Variants in FBN2 observed in about 807,000 individuals in gnomAD.
FBN2 encodes the protein fibrillin 2.
FBN2 carries 105 observed loss-of-function variants against 355.6 expected under a neutral mutation model. That is an observed-to-expected ratio of 0.30 (90% CI 0.25 to 0.35). The LOEUF (loss-of-function observed/expected upper bound fraction) is 0.35. Among genes scored for constraint, FBN2 ranks in the 10% least tolerant of loss-of-function variants. The probability of loss-of-function intolerance (pLI) is 1.00; values close to 1 mark genes in which losing one functional copy is unlikely to be tolerated. For synonymous variants in FBN2, 1,350 were observed against 1,301.2 expected, an observed-to-expected ratio of 1.04 and a Z score of -0.81; for missense variants, 3,280 against 3,758.7, an observed-to-expected ratio of 0.87 and a Z score of 3.33.
At chr5:128,506,716 C>T (rs2127146863) in intron 5 of FBN2, among the ~76,000 whole-genome samples, 1 of 152,210 alleles carries the variant, frequency 6.6e-6, no homozygotes, top group East Asian at 1.9e-4. Context: ...AGTGACTATC[C>T]TTGCTTTGTC....
intron 48 of FBN2, among the ~76,000 whole-genome samples, chr5:128,295,932 C>T (rs1425396111): frequency 2.8e-5 from 4 of 145,170 alleles, no homozygotes; most frequent in Non-Finnish European, 6.0e-5. Flanking sequence ...AAAGGGAATG[C>T]TTCCAGTTTT....
At chr5:128,455,009 G>C (rs529739412) in intron 6 of FBN2, among the ~76,000 whole-genome samples, 42 of 152,128 alleles carry the variant, frequency 2.8e-4, no homozygotes, top group African/African-American at 9.6e-4. Context: ...TAATAATTAT[G>C]CCAGTTTAAT....
chr5:128,311,185 G>C, intron 39 of FBN2, 115 bp downstream of exon 39: 2 of 1,056,838 alleles, frequency 1.9e-6, no homozygotes, highest in Non-Finnish European at 2.9e-6. Flanking sequence ...AAAAAGCTAT[G>C]AACCAATCTT....
In FBN2 at chr5:128,458,071, C is replaced by G. The variant is rs116267603; in HGVS notation, c.826+6653G>C. Among the ~76,000 whole-genome samples the G allele has an allele frequency of 8.5e-3, 1,298 of 152,108 alleles. 17 individuals are homozygous for G. Among genetic ancestry groups the G allele is most frequent in the African/African-American group, 0.028 (1,168 of 41,500 alleles). On this transcript the variant is annotated intron_variant, in intron 6 of 64. Coordinates refer to ENST00000262464, the MANE Select transcript of FBN2 (RefSeq NM_001999.4). ...GTGTGCGTGTGCTGTACTAAGGAAA[C>G]CCGTCTTACATGCAAAGACACACAC...
intron 7 of FBN2, among the ~76,000 whole-genome samples, chr5:128,413,584 C>A (rs868847241): frequency 6.6e-6 from 1 of 152,042 alleles, no homozygotes. Flanking sequence ...ATTTGTCAAC[C>A]AACATTTCCT....
intron 7 of FBN2, among the ~76,000 whole-genome samples, chr5:128,413,018 A>G (rs1445256444): frequency 6.6e-6 from 1 of 152,236 alleles, no homozygotes; most frequent in African/African-American, 2.4e-5. Flanking sequence ...ACATAGTGCT[A>G]TTAACAAAGA....
chr5:128,329,342 A>T (rs1750633073), intron 33 of FBN2, among the ~76,000 whole-genome samples: 1 of 152,108 alleles, frequency 6.6e-6, no homozygotes, highest in South Asian at 2.1e-4. Context: ...TTACACAAAC[A>T]GACATTACTC....
rs10070948 is a variant in FBN2 at position 128,286,956 on chromosome 5, G to A, written c.6881-107C>T. 9.1e-3 allele frequency: 10,271 copies of A among 1,134,444 alleles called. 692 individuals are homozygous for A. The African/African-American group carries it at 0.14, about 15-fold the overall frequency. 70.3% of individuals were successfully genotyped at this position (1,134,444 alleles called of 1,614,324 possible). On this transcript the variant is annotated intron_variant, in intron 54 of 64. Coordinates refer to ENST00000262464, the MANE Select transcript of FBN2 (RefSeq NM_001999.4). ...CACTTAACATGTAATTTTATGGTGG[G>A]ACAGAGAAAGGAGAAGCCCAGCCAT... is the stretch of plus-strand genomic sequence containing the variant.
intron 7 of FBN2, among the ~76,000 whole-genome samples, chr5:128,435,773 G>A (rs1753754554): frequency 6.6e-6 from 1 of 152,150 alleles, no homozygotes; most frequent in African/African-American, 2.4e-5. Flanking sequence ...AAGTTAAAAT[G>A]TCATCTGGAT....
rs189135321 is a variant in FBN2, at chr5:128,268,409, G to T, written c.7960+3590C>A. ...AGCCTACCAACCAAAAAAAAGCCCA[G>T]GACCAGATGGATTCTCAGCAGAATT... On this transcript the variant is annotated intron_variant, in intron 62 of 64. Transcript: ENST00000262464. 1.6e-4 allele frequency among the ~76,000 whole-genome samples: 24 copies of T among 152,226 alleles called. No homozygotes were observed. In the East Asian group the frequency reaches 4.2e-3, roughly 27 times the overall value.
At chr5:128,500,310 A>G (rs1755772162) in intron 5 of FBN2, among the ~76,000 whole-genome samples, 1 of 152,132 alleles carries the variant, frequency 6.6e-6, no homozygotes, top group Non-Finnish European at 1.5e-5. Flanking sequence ...CTAAAGAAGA[A>G]ATATGCCCAA....
intron 55 of FBN2, 122 bp from the exon 56 acceptor site, chr5:128,280,439 A>C: frequency 1.4e-6 from 1 of 739,272 alleles, no homozygotes; most frequent in South Asian, 1.6e-5. Context: ...TGATGAGATT[A>C]AAAATGGTCA....
At position 128,357,271 on chromosome 5, in the gene FBN2, C is replaced by G; in HGVS notation, c.2674+5G>C. On this transcript the variant is annotated splice_donor_5th_base_variant and intron_variant, in intron 20 of 64. Coordinates refer to ENST00000262464, the MANE Select transcript of FBN2 (RefSeq NM_001999.4). Reference sequence around the variant, plus strand: ...TGAAGCATCAGTATTGTGTATGAATCTTACCAATACAGATCAATCCTGTGG... The same window carrying G: ...TGAAGCATCAGTATTGTGTATGAATGTTACCAATACAGATCAATCCTGTGG... 1.2e-6 allele frequency: 2 copies of G among 1,613,816 alleles called. No homozygotes were observed. Among genetic ancestry groups the G allele is most frequent in the Non-Finnish European group, 1.7e-6 (2 of 1,179,738 alleles).
At chr5:128,428,112 T>A (rs1439478291) in intron 7 of FBN2, among the ~76,000 whole-genome samples, 1 of 152,096 alleles carries the variant, frequency 6.6e-6, no homozygotes, top group African/African-American at 2.4e-5. Flanking sequence ...CCACTTCTCA[T>A]CACTTTTACC....
intron 6 of FBN2, among the ~76,000 whole-genome samples, chr5:128,463,165 T>A (rs1009699243): frequency 6.6e-6 from 1 of 152,110 alleles, no homozygotes; most frequent in African/African-American, 2.4e-5. Context: ...ATAAATTACA[T>A]GGTAATCTGT....
chr5:128,276,675 C>A (rs1765401628), intron 58 of FBN2, among the ~76,000 whole-genome samples: 1 of 152,180 alleles, frequency 6.6e-6, no homozygotes, highest in Admixed American at 6.5e-5. Context: ...TGCCCTCTGT[C>A]TTCTGTCTGG....
At chr5:128,395,401 C>A (rs1752622230) in intron 8 of FBN2, 127 bp from the exon 9 acceptor site, 4 of 990,188 alleles carry the variant, frequency 4.0e-6, no homozygotes, top group Non-Finnish European at 6.2e-6. Context: ...CTATTCCTTT[C>A]TTCACTCTCT....
intron 7 of FBN2, among the ~76,000 whole-genome samples, chr5:128,412,902 G>C (rs1350512983): frequency 6.6e-6 from 1 of 152,130 alleles, no homozygotes; most frequent in African/African-American, 2.4e-5. Flanking sequence ...TTTATGATGA[G>C]GAAGGGAACA....
chr5:128,288,994 G>A, intron 52 of FBN2, 133 bp downstream of exon 52: 2 of 868,700 alleles, frequency 2.3e-6, no homozygotes, highest in East Asian at 2.6e-5. Context: ...GACTGGTGAA[G>A]AAGGTGCCAC....
Sources: gnomAD v4.1 joint callset for allele counts (sites outside exome capture counted in the v4.1 genomes callset) on GRCh38, gnomAD v4.1.1 for gene constraint, MANE v1.5 for transcripts, NCBI Gene and HGNC (gene_info 2026-07-23, HGNC 2026-07-21) for gene names.